CORO1B: variants seen among roughly 807,000 people sequenced by gnomAD.
CORO1B encodes coronin-1B.
Under a neutral mutation model 51.1 loss-of-function variants are expected in CORO1B, and 30 were observed. The observed-to-expected ratio is 0.59, with a 90% CI of 0.44 to 0.80. The LOEUF (loss-of-function observed/expected upper bound fraction) is 0.80. Ranked by LOEUF, CORO1B falls within the 30% of genes least tolerant of loss-of-function variation. CORO1B has a pLI of 0.00. For missense variants in CORO1B, 648 were observed against 700.4 expected, an observed-to-expected ratio of 0.93 and a Z score of 0.84; for synonymous variants, 310 against 289.7, an observed-to-expected ratio of 1.07 and a Z score of -0.71.
At position 67,436,407 on chromosome 11, in the gene CORO1B, G is replaced by A. The variant is rs909103001; in HGVS notation, c.*1969C>T. The A allele has an allele frequency of 2.8e-6, 4 of 1,419,628 alleles. No individual in the cohort carries two copies. The African/African-American group carries it at 4.4e-5, about 16-fold the overall frequency. 87.9% of individuals were successfully genotyped at this position (1,419,628 alleles called of 1,614,324 possible). On this transcript the variant is annotated 3_prime_UTR_variant, in exon 11 of 11. Coordinates refer to ENST00000341356, the MANE Select transcript of CORO1B (RefSeq NM_020441.3). ...CAGCACCTGGGGTGGGGCCTGGTGT[G>A]GGGCAGGCTGGGTGACCAAGACCAC...
rs1565153552 is a variant in CORO1B, at chr11:67,441,375, C to T, written c.594G>A (p.Lys198=). The change falls in exon 5 of 11, where the codon AAG becomes AAA. Residue 198 remains lysine (K), a synonymous_variant. Coordinates refer to ENST00000341356, the MANE Select transcript of CORO1B (RefSeq NM_020441.3). The part of the protein sequence containing the change: ...GSLFCSACKD[K]SVRIIDPRRG... ...GACGGGGGTCGATGATGCGCACGCT[C>T]TTGTCCTTGCATGCTGAGCAAAACA... The T allele has an allele frequency of 6.2e-7, 1 of 1,613,792 alleles. No homozygotes were observed. Among genetic ancestry groups the T allele is most frequent in the Non-Finnish European group, 8.5e-7 (1 of 1,180,028 alleles).
intron 1 of CORO1B, among the ~76,000 whole-genome samples, chr11:67,442,989 T>G (rs1008812135): frequency 1.3e-5 from 2 of 152,068 alleles, no homozygotes; most frequent in African/African-American, 4.8e-5. Context: ...GGGAGCAGCC[T>G]CCTTCCTGCT....
At position 67,441,788 on chromosome 11, in the gene CORO1B, C is replaced by A; in HGVS notation, c.399G>T (p.Lys133Asn). Residue 133 changes from lysine (K) to asparagine (N), a missense_variant, in exon 4 of 11, where the codon AAG (lysine) becomes AAT (asparagine). By Grantham distance (94) the Lys-to-Asn change is moderately conservative (BLOSUM62 0). Transcript: ENST00000341356. ...EPVVVLEGHT[K>N]RVGIIAWHPT... ...GGTGCCAGGCGATGATGCCCACTCG[C>A]TTGGTGTGCCCCTCCAGTACCACCA... 6.2e-7 allele frequency: 1 copy of A among 1,613,016 alleles called. No homozygotes were observed. Among genetic ancestry groups the A allele is most frequent in the South Asian group, 1.1e-5 (1 of 91,082 alleles).
Position 67,442,237 on chromosome 11 carries a change from GCTGCCTCTAACC to G in CORO1B, c.202-161_202-150del, listed in dbSNP as rs1009702061. The stretch of plus-strand genomic sequence containing the variant: ...CTTGCCAGGTGAGCAGGAAATGTTT[GCTGCCTCTAACC>G]CTGCCTCTATGGCAACAGGCTACTT... On this transcript the variant is annotated intron_variant, in intron 2 of 10. Transcript: ENST00000341356. 23 of 1,396,576 alleles carry G rather than the reference GCTGCCTCTAACC, an allele frequency of 1.6e-5. No homozygotes were observed. In the African/African-American group the frequency reaches 3.1e-4, roughly 19 times the overall value. The allele number at this position is 1,396,576 out of a possible 1,614,324, so 86.5% of individuals were successfully genotyped here.
At position 67,438,866 on chromosome 11, in the gene CORO1B, C is replaced by G. The variant is rs748409349; in HGVS notation, c.1149G>C (p.Arg383=). 1 of 1,608,328 alleles carries G rather than the reference C, an allele frequency of 6.2e-7. No individual in the cohort carries two copies. The highest frequency in any genetic ancestry group is 8.5e-7 in the Non-Finnish European group (1 of 1,178,624). Residue 383 remains arginine, a synonymous_variant, in exon 10 of 11, where the codon CGG becomes CGC. Coordinates refer to ENST00000341356, the MANE Select transcript of CORO1B (RefSeq NM_020441.3). ...GTGAGATGAGGATCGGGTCGGCATC[C>G]CGCCCGCTCACCCACTCCTCAGCCT... The part of the protein sequence containing the change: ...ALEAEEWVSG[R]DADPILISLR...
Position 67,443,438 on chromosome 11 carries a change from G to C in CORO1B, c.-37C>G, listed in dbSNP as rs1315816562. ...CGGGGGCGCAGGGGGCTGCGGCACC[G>C]GCTTCGGGCGGCTCCGGATCCCGGC... On this transcript the variant is annotated 5_prime_UTR_variant, in exon 1 of 11. Transcript: ENST00000341356. 1 of 986,094 alleles carries C rather than the reference G, an allele frequency of 1.0e-6. No homozygotes were observed. Among genetic ancestry groups the C allele is most frequent in the Middle Eastern group, 3.8e-4 (1 of 2,610 alleles). The allele number at this position is 986,094 out of a possible 1,614,324, so 61.1% of individuals were successfully genotyped here. A position where few individuals can be genotyped will look rare whatever the true frequency, so the allele number is the denominator to read the frequency against.
chr11:67,437,264 G>C lies in CORO1B; in HGVS notation c.*1112C>G, dbSNP rs1179073494. On this transcript the variant is annotated 3_prime_UTR_variant, in exon 11 of 11. Transcript: ENST00000341356. ...GGAAGTCTGCGGTCGGAACAGGCTA[G>C]GTGGGGGGTGTCGGGGGAGGGGTGC... 2 of 250,388 alleles carry C rather than the reference G, an allele frequency of 8.0e-6. No homozygotes were observed. Among genetic ancestry groups the C allele is most frequent in the Non-Finnish European group, 7.6e-6 (1 of 131,710 alleles). The allele number at this position is 250,388 out of a possible 1,614,324, so 15.5% of individuals were successfully genotyped here. A position where few individuals can be genotyped will look rare whatever the true frequency, so the allele number is the denominator to read the frequency against.
In CORO1B at chr11:67,438,773, G is replaced by A. The variant is rs550750255; in HGVS notation, c.1242C>T (p.Asp414=). 1.9e-6 allele frequency: 3 copies of A among 1,585,276 alleles called. No individual in the cohort carries two copies. Among genetic ancestry groups the A allele is most frequent in the East Asian group, 2.3e-5 (1 of 43,584 alleles). Residue 414 remains aspartate, a synonymous_variant, in exon 10 of 11, where the codon GAC becomes GAT. Coordinates refer to ENST00000341356, the MANE Select transcript of CORO1B (RefSeq NM_020441.3). ...AGCCCGGGGCCATGGCGGGCCGGCTGTCAGACAACACGTTGCGCCGGCTGA... is the reference window on the plus strand; with the variant it reads ...AGCCCGGGGCCATGGCGGGCCGGCTATCAGACAACACGTTGCGCCGGCTGA... ...LKISRRNVLS[D]SRPAMAPGSS... is the part of the protein sequence containing the mutation.
In CORO1B at chr11:67,436,137, C is replaced by T. The variant is rs61731772; in HGVS notation, c.*2239G>A. On this transcript the variant is annotated 3_prime_UTR_variant, in exon 11 of 11. Coordinates refer to ENST00000341356, the MANE Select transcript of CORO1B (RefSeq NM_020441.3). ...AGGCGCCGCGTGCGGCCCCACAGCGCGGCACCTAGGCGGGCCGGGTGGTAG... is the reference window on the plus strand; with the variant it reads ...AGGCGCCGCGTGCGGCCCCACAGCGTGGCACCTAGGCGGGCCGGGTGGTAG... 12,694 of 1,582,454 alleles carry T rather than the reference C, an allele frequency of 8.0e-3. 65 individuals are homozygous for T. Among genetic ancestry groups the T allele is most frequent in the Non-Finnish European group, 9.8e-3 (11,437 of 1,164,158 alleles).
At chr11:67,438,603 G>C in intron 10 of CORO1B, 68 bp downstream of exon 10, 2 of 1,529,462 alleles carry the variant, frequency 1.3e-6, no homozygotes, top group Non-Finnish European at 1.8e-6. Flanking sequence ...GCGAATGGCT[G>C]AAGCCCACAC....
intron 9 of CORO1B, 61 bp downstream of exon 9, chr11:67,439,725 C>T: frequency 6.6e-7 from 1 of 1,513,370 alleles, no homozygotes; most frequent in Non-Finnish European, 9.0e-7. Context: ...GCCCTGGTCA[C>T]AACTGCATGG....
intron 5 of CORO1B, 35 bp from the exon 6 acceptor site, chr11:67,441,279 T>C: frequency 6.2e-7 from 1 of 1,612,626 alleles, no homozygotes; most frequent in Non-Finnish European, 8.5e-7. Context: ...TGCAGCGCCC[T>C]GCTCAAGGTC....
chr11:67,442,643 G>C lies in CORO1B; in HGVS notation c.-2-13C>G. 1 of 1,612,634 alleles carries C rather than the reference G, an allele frequency of 6.2e-7. No individual in the cohort carries two copies. Among genetic ancestry groups the C allele is most frequent in the Non-Finnish European group, 8.5e-7 (1 of 1,179,566 alleles). On this transcript the variant is annotated splice_polypyrimidine_tract_variant and intron_variant, in intron 1 of 10. Transcript: ENST00000341356. ...CGGAAGGACATGTCTGCGGGACAGA[G>C]AGGCCTGGGTCAGTCCGGCCCATCC...
chr11:67,440,138 G>T lies in CORO1B; in HGVS notation c.987C>A (p.Val329=). ...MGSMPKRGLE[V]SKCEIARFYK... ...CTTACCGGGCGATCTCGCACTTGCTGACCTCCAGGCCCCGCTTGGGCATGC... is the reference window on the plus strand; with the variant it reads ...CTTACCGGGCGATCTCGCACTTGCTTACCTCCAGGCCCCGCTTGGGCATGC... Residue 329 remains valine (V), a synonymous_variant, in exon 8 of 11, where the codon GTC becomes GTA. Transcript: ENST00000341356. 6.2e-7 allele frequency: 1 copy of T among 1,612,714 alleles called. No homozygotes were observed.
intron 9 of CORO1B, among the ~76,000 whole-genome samples, chr11:67,439,472 C>T (rs566693872): frequency 6.6e-6 from 1 of 152,326 alleles, no homozygotes; most frequent in East Asian, 1.9e-4. Context: ...ATGGCGCCAC[C>T]CCAGCTGTGT....
chr11:67,441,887 G>A (rs1864402310), intron 3 of CORO1B, 25 bp from the exon 4 acceptor site: 14 of 1,613,144 alleles, frequency 8.7e-6, no homozygotes, highest in East Asian at 2.2e-5. Context: ...GGGCCACCGA[G>A]CTCAGTCCTC....
rs1864364201 is a variant in CORO1B, at chr11:67,440,007, G to A, written c.1007+111C>T. 11 of 1,494,840 alleles carry A rather than the reference G, an allele frequency of 7.4e-6. No homozygotes were observed. In the Admixed American group the frequency reaches 1.2e-4, roughly 16 times the overall value. 92.6% of individuals were successfully genotyped at this position (1,494,840 alleles called of 1,614,324 possible). A position where few individuals can be genotyped will look rare whatever the true frequency, so the allele number is the denominator to read the frequency against. ...CGGGCTGCCTCGTGACAGTTCTCAT[G>A]GCCCGCCGGGCCTCCCTGGCGCAAG... On this transcript the variant is annotated intron_variant, in intron 8 of 10. Coordinates refer to ENST00000341356, the MANE Select transcript of CORO1B (RefSeq NM_020441.3).
chr11:67,438,615 GCAGGCCAGGGCCACACCTGGGGCTC>G (rs1864335362), intron 10 of CORO1B, 31 bp downstream of exon 10: 1 of 1,517,008 alleles, frequency 6.6e-7, no homozygotes, highest in Admixed American at 2.0e-5. Flanking sequence ...AGCCCACACA[GCAGGCCAGGGCCACACCTGGGGCTC>G]CCAGCACCAC....
chr11:67,438,538 C>G, intron 10 of CORO1B, 37 bp from the exon 11 acceptor site: 6 of 1,583,452 alleles, frequency 3.8e-6, no homozygotes, highest in Non-Finnish European at 5.2e-6. Flanking sequence ...GGGCGGTGGT[C>G]AGGGGCTGCT....
Sources: gnomAD v4.1 joint callset for allele counts (sites outside exome capture counted in the v4.1 genomes callset) on GRCh38, gnomAD v4.1.1 for gene constraint, MANE v1.5 for transcripts, NCBI Gene and HGNC (gene_info 2026-07-23, HGNC 2026-07-21) for gene names.